The following LMO7 variants were observed in gnomAD, a reference collection of about 807,000 sequenced individuals.
The protein encoded by LMO7 is LIM domain 7.
A neutral mutation model predicts 206.5 loss-of-function variants in LMO7; 120 were observed. That is an observed-to-expected ratio of 0.58 (90% confidence interval 0.50 to 0.68). The LOEUF (loss-of-function observed/expected upper bound fraction) is 0.68. Ranked by LOEUF, LMO7 falls within the 30% of genes least tolerant of loss-of-function variation. LMO7 has a pLI of 0.00. For missense variants in LMO7, 1,959 were observed against 1,957.9 expected, an observed-to-expected ratio of 1.00 and a Z score of -0.01; for synonymous variants, 706 against 681.5, an observed-to-expected ratio of 1.04 and a Z score of -0.56.
chr13:75,716,326 C>T (rs1310899370), intron 2 of LMO7, among the ~76,000 whole-genome samples: 1 of 152,168 alleles, frequency 6.6e-6, no homozygotes, highest in African/African-American at 2.4e-5. Context: ...AGGTTTCAGA[C>T]AAGATACACA....
intron 1 of LMO7, among the ~76,000 whole-genome samples, chr13:75,711,549 G>A (rs565647183): frequency 2.8e-4 from 42 of 152,272 alleles, no homozygotes; most frequent in Middle Eastern, 3.4e-3. Context: ...GGGATTTCCC[G>A]GACCCCTTGT....
intron 1 of LMO7, among the ~76,000 whole-genome samples, chr13:75,712,064 G>A (rs2043169335): frequency 6.6e-6 from 1 of 152,172 alleles, no homozygotes; most frequent in Non-Finnish European, 1.5e-5. Flanking sequence ...TCTAGCTGCA[G>A]CGATGTTGGG....
chr13:75,781,396 C>G lies in LMO7; in HGVS notation c.318-14005C>G, dbSNP rs541418342. ...TGTGGTGTTTGGTTTTTTGTTCTTG[C>G]GATAGTTTACTGAGAATGATGATTT... On this transcript the variant is annotated intron_variant, in intron 4 of 30. Coordinates refer to ENST00000377534, the MANE Select transcript of LMO7 (RefSeq NM_001306080.2). 8.0e-3 allele frequency among the ~76,000 whole-genome samples: 1,174 copies of G among 146,468 alleles called. 19 individuals are homozygous for G. The highest frequency in any genetic ancestry group is 0.028 in the African/African-American group (1,099 of 39,804).
chr13:75,636,210 G>A (rs1406075421), upstream of LMO7: 1 of 814,162 alleles, frequency 1.2e-6, no homozygotes, highest in Non-Finnish European at 1.5e-6. Context: ...CGGGAGCCCG[G>A]GGAGCCAAGG....
intron 1 of LMO7, among the ~76,000 whole-genome samples, chr13:75,671,881 G>A (rs1244063398): frequency 6.6e-6 from 1 of 151,930 alleles, no homozygotes; most frequent in African/African-American, 2.4e-5. Context: ...ATCCCGAGTT[G>A]TCACTGCTTG....
intron 1 of LMO7, among the ~76,000 whole-genome samples, chr13:75,683,833 A>T (rs951899166): frequency 1.3e-5 from 2 of 152,110 alleles, no homozygotes; most frequent in African/African-American, 2.4e-5. Context: ...TTGATTAAAA[A>T]TTTTTCTGAT....
chr13:75,804,745 G>T, intron 8 of LMO7: 2 of 1,016,202 alleles, frequency 2.0e-6, no homozygotes, highest in Non-Finnish European at 2.6e-6. Context: ...CATATGATTT[G>T]CTAGGTCTTT....
chr13:75,711,901 G>A (rs1371545458), intron 1 of LMO7, among the ~76,000 whole-genome samples: 1 of 152,246 alleles, frequency 6.6e-6, no homozygotes, highest in Non-Finnish European at 1.5e-5. Context: ...TAAAGCAGCA[G>A]TGCAGCCCTT....
At chr13:75,817,334 T>C in intron 12 of LMO7, 56 bp downstream of exon 12, 2 of 1,170,592 alleles carry the variant, frequency 1.7e-6, no homozygotes, top group South Asian at 2.5e-5. Context: ...TTTTCTTTGC[T>C]TCTCTTAAAG....
chr13:75,635,445 C>A (rs2035659837), upstream of LMO7, among the ~76,000 whole-genome samples: 1 of 152,132 alleles, frequency 6.6e-6, no homozygotes, highest in Non-Finnish European at 1.5e-5. Context: ...CGCCCCCAAC[C>A]CCCCGGCCCT....
upstream of LMO7, among the ~76,000 whole-genome samples, chr13:75,632,861 A>ATTTTTTTTTTTTTTTTTTTT (rs1339104269): frequency 2.0e-4 from 6 of 30,556 alleles, no homozygotes; most frequent in Admixed American, 4.9e-4. Flanking sequence ...ATTACTTAAA[A>ATTTTTTTTTTTTTTTTTTTT]GTTTTTTTTT....
In LMO7 at chr13:75,809,090, A is replaced by G. The variant is rs1414884304; in HGVS notation, c.1917-64A>G. Reference sequence around the variant, plus strand: ...TAGATTCTTAAGTGGAAGACATTGAACGTTTAGAAACTAATATGACTGGGA... The same window carrying G: ...TAGATTCTTAAGTGGAAGACATTGAGCGTTTAGAAACTAATATGACTGGGA... On this transcript the variant is annotated intron_variant, in intron 10 of 30. Coordinates refer to ENST00000377534, the MANE Select transcript of LMO7 (RefSeq NM_001306080.2). The G allele has an allele frequency of 3.3e-6, 4 of 1,215,912 alleles. No homozygotes were observed. The South Asian group carries it at 4.9e-5, about 15-fold the overall frequency. 75.3% of individuals were successfully genotyped at this position (1,215,912 alleles called of 1,614,324 possible). A position where few individuals can be genotyped will look rare whatever the true frequency, so the allele number is the denominator to read the frequency against.
At chr13:75,719,107 G>T (rs1384635211) in intron 2 of LMO7, among the ~76,000 whole-genome samples, 1 of 151,778 alleles carries the variant, frequency 6.6e-6, no homozygotes, top group East Asian at 1.9e-4. Flanking sequence ...AGCCTCTCGA[G>T]TAGCTGGGAC....
chr13:75,778,172 C>A (rs1320125574), intron 4 of LMO7, among the ~76,000 whole-genome samples: 1 of 152,168 alleles, frequency 6.6e-6, no homozygotes, highest in African/African-American at 2.4e-5. Flanking sequence ...AAAGTAATTT[C>A]TTCGGTGCTA....
upstream of LMO7, among the ~76,000 whole-genome samples, chr13:75,633,997 A>ATT (rs3036384): frequency 2.2e-3 from 316 of 141,192 alleles, 3 homozygotes; most frequent in South Asian, 6.0e-3. Context: ...CGTCCAGCTA[A>ATT]TTTTTTTTTT....
intron 3 of LMO7, among the ~76,000 whole-genome samples, chr13:75,741,598 A>T (rs2046417115): frequency 6.6e-6 from 1 of 152,242 alleles, no homozygotes; most frequent in African/African-American, 2.4e-5. Context: ...AATAAATGTA[A>T]TTCATCACAT....
chr13:75,813,613 G>A (rs2056673692), intron 11 of LMO7, among the ~76,000 whole-genome samples: 1 of 152,114 alleles, frequency 6.6e-6, no homozygotes, highest in Non-Finnish European at 1.5e-5. Flanking sequence ...CCTTACACAG[G>A]GACTTGTCTA....
intron 1 of LMO7, among the ~76,000 whole-genome samples, chr13:75,645,285 T>A (rs1340308767): frequency 1.3e-5 from 2 of 152,284 alleles, no homozygotes; most frequent in Admixed American, 1.3e-4. Context: ...CTGATAAAAT[T>A]TTTTTGCCTC....
intron 4 of LMO7, among the ~76,000 whole-genome samples, chr13:75,786,377 CTTT>C (rs113210539): frequency 2.9e-5 from 4 of 140,066 alleles, no homozygotes; most frequent in Middle Eastern, 3.6e-3. Context: ...TTATTTTCTT[CTTT>C]TTTTTTTTTT....
Sources: gnomAD v4.1 joint callset for allele counts (sites outside exome capture counted in the v4.1 genomes callset) on GRCh38, gnomAD v4.1.1 for gene constraint, MANE v1.5 for transcripts, NCBI Gene and HGNC (gene_info 2026-07-23, HGNC 2026-07-21) for gene names.